The following DYM variants were observed in gnomAD, a reference collection of about 807,000 sequenced individuals.
DYM encodes the protein dymeclin.
Under a neutral mutation model 93.1 loss-of-function variants are expected in DYM, and 78 were observed. The ratio of observed to expected loss-of-function variants is 0.84; its 90% CI spans 0.70 to 1.01. The LOEUF is 1.01. DYM is among the 50% of genes least tolerant of loss of function. DYM has a pLI of 0.00. For missense variants in DYM, 789 were observed against 845.0 expected, an observed-to-expected ratio of 0.93 and a Z score of 0.82; for synonymous variants, 321 against 319.7, an observed-to-expected ratio of 1.00 and a Z score of -0.04.
chr18:49,101,814 G>C (rs2080175004), intron 16 of DYM, among the ~76,000 whole-genome samples: 1 of 152,168 alleles, frequency 6.6e-6, no homozygotes, highest in African/African-American at 2.4e-5. Context: ...GAAATAAATA[G>C]ATGATACCAT....
chr18:49,258,302 A>T, intron 12 of DYM, 78 bp downstream of exon 12: 1 of 1,011,734 alleles, frequency 9.9e-7, no homozygotes. Context: ...TTAGCATCCT[A>T]AAAATTGGGA....
At chr18:49,293,764 T>C (rs562860303) in intron 8 of DYM, among the ~76,000 whole-genome samples, 40 of 152,332 alleles carry the variant, frequency 2.6e-4, no homozygotes, top group African/African-American at 9.1e-4. Context: ...ATTCTGTAGG[T>C]TGCCTGTTCA....
intron 15 of DYM, among the ~76,000 whole-genome samples, chr18:49,122,736 T>C (rs1046132065): frequency 6.6e-6 from 1 of 152,208 alleles, no homozygotes; most frequent in Non-Finnish European, 1.5e-5. Flanking sequence ...GGGTCCCTGG[T>C]GCCAAAAAGG....
rs571541417 is a variant in DYM, at chr18:49,427,564, G to T, written c.140+2691C>A. On this transcript the variant is annotated intron_variant, in intron 2 of 17. Transcript: ENST00000675505. ...GAAATTATTGTTAATTTTGTGAGGT[G>T]TGATAATGGTATTATGGTTATGTAA... Among the ~76,000 whole-genome samples the T allele has an allele frequency of 4.1e-4, 63 of 151,908 alleles. No individual in the cohort carries two copies. The South Asian group carries it at 5.2e-3, about 13-fold the overall frequency.
At chr18:49,336,665 C>A (rs1049709082) in intron 6 of DYM, among the ~76,000 whole-genome samples, 9 of 152,120 alleles carry the variant, frequency 5.9e-5, no homozygotes, top group African/African-American at 2.2e-4. Flanking sequence ...TTTATTCTTA[C>A]TATCTCTAGA....
At chr18:49,301,009 T>C (rs541585703) in intron 8 of DYM, among the ~76,000 whole-genome samples, 2 of 152,230 alleles carry the variant, frequency 1.3e-5, no homozygotes, top group African/African-American at 2.4e-5. Flanking sequence ...TTAGCAATAG[T>C]AAAGTCATCA....
intron 2 of DYM, among the ~76,000 whole-genome samples, chr18:49,414,151 G>C (rs922261519): frequency 1.3e-5 from 2 of 152,220 alleles, no homozygotes; most frequent in Middle Eastern, 3.4e-3. Flanking sequence ...AAATAGAGGT[G>C]ACCAGAAACT....
intron 3 of DYM, among the ~76,000 whole-genome samples, chr18:49,385,802 G>C (rs1050963515): frequency 6.6e-6 from 1 of 152,026 alleles, no homozygotes; most frequent in Admixed American, 6.6e-5. Flanking sequence ...AGTGCTTTGG[G>C]AGGCTGAGGT....
intron 6 of DYM, among the ~76,000 whole-genome samples, chr18:49,346,316 A>G (rs963341035): frequency 6.6e-6 from 1 of 152,246 alleles, no homozygotes; most frequent in Non-Finnish European, 1.5e-5. Context: ...ATACTGGTAC[A>G]TATTATATAA....
chr18:49,168,225 C>CTA (rs913018272), intron 14 of DYM, among the ~76,000 whole-genome samples: 5,980 of 149,304 alleles, frequency 0.04, 391 homozygotes, highest in African/African-American at 0.14. Context: ...CCCTCTCTCT[C>CTA]TATATATATA....
chr18:49,294,946 C>T (rs1245089625), intron 8 of DYM, among the ~76,000 whole-genome samples: 1 of 152,082 alleles, frequency 6.6e-6, no homozygotes, highest in Non-Finnish European at 1.5e-5. Context: ...AAAAATTCTG[C>T]TAGAGATGTT....
Position 49,379,085 on chromosome 18 carries a change from G to A in DYM, c.288-385C>T, listed in dbSNP as rs1049709677. On this transcript the variant is annotated intron_variant, in intron 4 of 17. Coordinates refer to ENST00000675505, the MANE Select transcript of DYM (RefSeq NM_001353214.3). ...CAAATATGTAACCAAAATTTTCGACGAGGCATTGCCAGCAGCACGGTAAAA... is the reference window on the plus strand; with the variant it reads ...CAAATATGTAACCAAAATTTTCGACAAGGCATTGCCAGCAGCACGGTAAAA... Among the ~76,000 whole-genome samples the A allele has an allele frequency of 7.2e-5, 11 of 152,218 alleles. No homozygotes were observed. The East Asian group carries it at 7.7e-4, about 11-fold the overall frequency.
Position 49,231,714 on chromosome 18 carries a change from A to G in DYM, c.1461-21999T>C, listed in dbSNP as rs376027606. 2.7e-3 allele frequency among the ~76,000 whole-genome samples: 409 copies of G among 152,334 alleles called. 24 individuals carry two copies. The South Asian group carries it at 0.076, about 28-fold the overall frequency. Reference sequence around the variant, plus strand: ...TACTTGTATCTGGTTCCTCTGAGGTAGTGGCAGTCTAGATCCAACTCTAAT... The same window carrying G: ...TACTTGTATCTGGTTCCTCTGAGGTGGTGGCAGTCTAGATCCAACTCTAAT... On this transcript the variant is annotated intron_variant, in intron 13 of 17. Coordinates refer to ENST00000675505, the MANE Select transcript of DYM (RefSeq NM_001353214.3).
Position 49,217,442 on chromosome 18 carries a change from C to T in DYM, c.1461-7727G>A, listed in dbSNP as rs1600734164. 7.2e-5 allele frequency among the ~76,000 whole-genome samples: 11 copies of T among 152,066 alleles called. No individual in the cohort carries two copies. The South Asian group carries it at 2.3e-3, about 32-fold the overall frequency. On this transcript the variant is annotated intron_variant, in intron 13 of 17. Coordinates refer to ENST00000675505, the MANE Select transcript of DYM (RefSeq NM_001353214.3). ...CTCCTCGAGAAGAGCAACTCCAAGA[C>T]ACATAATTGTCAGATTCACCAAAGT...
chr18:49,194,960 T>C (rs2091309777), intron 14 of DYM, among the ~76,000 whole-genome samples: 1 of 152,104 alleles, frequency 6.6e-6, no homozygotes, highest in South Asian at 2.1e-4. Flanking sequence ...TTTGGGGGAG[T>C]GAGTGGTGAT....
At chr18:49,362,354 CA>C (rs1466000414) in intron 6 of DYM, among the ~76,000 whole-genome samples, 1 of 152,072 alleles carries the variant, frequency 6.6e-6, no homozygotes, top group East Asian at 1.9e-4. Context: ...TTAAAAGCAA[CA>C]AATGAGATGA....
chr18:49,420,229 G>A (rs983622550), intron 2 of DYM, among the ~76,000 whole-genome samples: 18 of 146,386 alleles, frequency 1.2e-4, no homozygotes, highest in Middle Eastern at 3.5e-3. Context: ...GTGCAATGGC[G>A]CGATCTCAGC....
intron 5 of DYM, chr18:49,368,582 C>A (rs556101496): frequency 6.6e-6 from 1 of 152,218 alleles, no homozygotes; most frequent in East Asian, 1.9e-4. Flanking sequence ...CAACCACATA[C>A]TATACAATTT....
intron 2 of DYM, among the ~76,000 whole-genome samples, chr18:49,413,792 T>A (rs996092472): frequency 2.6e-5 from 4 of 152,096 alleles, no homozygotes; most frequent in African/African-American, 9.7e-5. Context: ...GGCAGATCAC[T>A]TGAGGTCAGG....
Sources: allele counts gnomAD v4.1 joint callset (sites outside exome capture counted in the v4.1 genomes callset), GRCh38; gene constraint gnomAD v4.1.1; transcripts MANE v1.5; gene names NCBI Gene and HGNC (gene_info 2026-07-23, HGNC 2026-07-21).